The following RASA3 variants were observed in gnomAD, a reference collection of about 807,000 sequenced individuals.
The protein encoded by RASA3 is ras GTPase-activating protein 3.
RASA3 carries 73 observed loss-of-function variants against 110.0 expected under a neutral mutation model. The ratio of observed to expected loss-of-function variants is 0.66; its 90% CI spans 0.55 to 0.81. The LOEUF is 0.81. RASA3 is among the 30% of genes least tolerant of loss of function. The pLI is 0.00. For synonymous variants in RASA3, 500 were observed against 451.4 expected (o/e 1.11, Z -1.37); for missense variants, 976 against 1,113.2 (o/e 0.88, Z 1.75).
At chr13:114,019,161 G>T (rs887817091) in intron 9 of RASA3, among the ~76,000 whole-genome samples, 1 of 152,168 alleles carries the variant, frequency 6.6e-6, no homozygotes, top group Admixed American at 6.5e-5. Context: ...AACGCGGAGG[G>T]GGATGGGGGT....
At chr13:114,012,935 TCATTCCACAAACACTCCC>T (rs1337483913) in intron 15 of RASA3, among the ~76,000 whole-genome samples, 189 bp downstream of exon 15, 2 of 112,184 alleles carry the variant, frequency 1.8e-5, no homozygotes, top group African/African-American at 7.1e-5. Flanking sequence ...CACACACTCC[TCATTCCACAAACACTCCC>T]CATTCCACAC....
chr13:114,007,670 T>A (rs2053547049), intron 17 of RASA3, 64 bp from the exon 18 acceptor site: 1 of 1,358,398 alleles, frequency 7.4e-7, no homozygotes, highest in East Asian at 2.3e-5. Flanking sequence ...CGGCTCTCTG[T>A]ATAACAACAG....
intron 4 of RASA3, among the ~76,000 whole-genome samples, chr13:114,039,410 C>T (rs756399157): frequency 1.2e-4 from 18 of 151,974 alleles, no homozygotes; most frequent in Non-Finnish European, 2.4e-4. Flanking sequence ...GTCCCAAGGG[C>T]GCTGTGCCAC....
At chr13:114,074,999 G>A (rs1594427512) in intron 1 of RASA3, among the ~76,000 whole-genome samples, 1 of 152,138 alleles carries the variant, frequency 6.6e-6, no homozygotes, top group Admixed American at 6.5e-5. Context: ...AAACACACTC[G>A]CGCCTCCCCA....
rs777977745 is a variant in RASA3 at position 114,015,228 on chromosome 13, C to T, written c.1386G>A (p.Ala462=). ...MCDIFFSLRE[A]AAKRFQDDPD... Reference sequence around the variant, plus strand: ...ACTCACCCTGGAAGCGCTTGGCCGCCGCCTCCCGGAGGGAGAAGAAGATGT... The same window carrying T: ...ACTCACCCTGGAAGCGCTTGGCCGCTGCCTCCCGGAGGGAGAAGAAGATGT... The change falls in exon 14 of 24, where the codon GCG becomes GCA. Residue 462 remains alanine, a synonymous_variant. Coordinates refer to ENST00000334062, the MANE Select transcript of RASA3 (RefSeq NM_007368.4). The T allele has an allele frequency of 2.7e-5, 43 of 1,612,952 alleles. No individual in the cohort carries two copies. Among genetic ancestry groups the T allele is most frequent in the African/African-American group, 4.0e-5 (3 of 74,934 alleles).
At position 114,000,946 on chromosome 13, in the gene RASA3, A is replaced by G; in HGVS notation, c.1743-14T>C. 6.3e-7 allele frequency: 1 copy of G among 1,588,478 alleles called. No homozygotes were observed. The highest frequency in any genetic ancestry group is 8.6e-7 in the Non-Finnish European group (1 of 1,156,950). The stretch of plus-strand genomic sequence containing the variant: ...TTGATCATGAACCTGTGTGAAGAGC[A>G]CACAGGGCCGGGGTCCGGGCCTCAG... On this transcript the variant is annotated splice_polypyrimidine_tract_variant and intron_variant, in intron 18 of 23. Coordinates refer to ENST00000334062, the MANE Select transcript of RASA3 (RefSeq NM_007368.4).
intron 1 of RASA3, among the ~76,000 whole-genome samples, chr13:114,117,588 C>T (rs1445295891): frequency 2.3e-5 from 3 of 128,222 alleles, no homozygotes; most frequent in Admixed American, 8.1e-5. Flanking sequence ...CTTCTGTATG[C>T]ACATCTGTGG....
In RASA3 at chr13:114,011,929, A is replaced by G. The variant is rs2053644474; in HGVS notation, c.1513-681T>C. ...GAGCAAGACTCTGTCTCAAAAAAAA[A>G]GAAGTGCTGGGGAATGGGCAATCCC... On this transcript the variant is annotated intron_variant, in intron 15 of 23. Transcript: ENST00000334062. The surrounding 1 kb of genome is among the most constrained non-coding windows in gnomAD (Gnocchi z 4.8). Among the ~76,000 whole-genome samples, 1 of 151,978 alleles carries G rather than the reference A, an allele frequency of 6.6e-6. No homozygotes were observed. The highest frequency in any genetic ancestry group is 6.6e-5 in the Admixed American group (1 of 15,266).
intron 2 of RASA3, among the ~76,000 whole-genome samples, chr13:114,052,831 A>G (rs1430022711): frequency 5.0e-4 from 46 of 91,926 alleles, no homozygotes; most frequent in African/African-American, 1.1e-3. Flanking sequence ...AGAAATCCCC[A>G]CTGCTGACTG....
intron 2 of RASA3, among the ~76,000 whole-genome samples, chr13:114,073,397 C>T (rs186850750): frequency 3.4e-5 from 5 of 145,838 alleles, no homozygotes; most frequent in African/African-American, 5.1e-5. Context: ...GAAAATGGGA[C>T]GGTGACGTAC....
At chr13:113,981,622 A>C in intron 23 of RASA3, 53 bp downstream of exon 23, 1 of 1,577,508 alleles carries the variant, frequency 6.3e-7, no homozygotes, top group Non-Finnish European at 8.7e-7. Context: ...CCCCACTGCA[A>C]TCTCCCGCCC....
intron 1 of RASA3, among the ~76,000 whole-genome samples, chr13:114,117,669 A>G (rs34489781): frequency 0.063 from 1,726 of 27,392 alleles, no homozygotes; most frequent in Non-Finnish European, 0.067. Flanking sequence ...TGTGTGAGGG[A>G]TGCACGTGTG....
intron 18 of RASA3, 136 bp from the exon 19 acceptor site, chr13:114,001,068 C>A (rs926462170): frequency 3.3e-5 from 21 of 644,620 alleles, no homozygotes; most frequent in Middle Eastern, 3.8e-4. Context: ...CATTTTACTC[C>A]GAGTGATGAG....
chr13:114,016,656 T>A (rs2053799145), intron 12 of RASA3, among the ~76,000 whole-genome samples: 1 of 152,264 alleles, frequency 6.6e-6, no homozygotes, highest in South Asian at 2.1e-4. Flanking sequence ...AGGAGTGATG[T>A]GCACCAGCCC....
At chr13:113,991,128 A>G (rs12585018) in intron 22 of RASA3, among the ~76,000 whole-genome samples, 849 of 17,984 alleles carry the variant, frequency 0.047, 49 homozygotes, top group African/African-American at 0.099. Flanking sequence ...CACCCAGGGC[A>G]TGTGGGGCTG....
At chr13:114,125,619 C>A (rs2080436391) in intron 1 of RASA3, among the ~76,000 whole-genome samples, 1 of 152,178 alleles carries the variant, frequency 6.6e-6, no homozygotes, top group Admixed American at 6.5e-5. Context: ...GGTGGGGAGA[C>A]CCCAACTCCT....
In RASA3 at chr13:114,036,526, GTTT is replaced by G. The variant is rs1195359841; in HGVS notation, c.372+4471_372+4473del. On this transcript the variant is annotated intron_variant, in intron 4 of 23. Coordinates refer to ENST00000334062, the MANE Select transcript of RASA3 (RefSeq NM_007368.4). The stretch of plus-strand genomic sequence containing the variant: ...CGGCTCCTGAGACTGGAGTTGTGGG[GTTT>G]TTTTTCTTCTTCTTCTTCTTTTTTT... Among the ~76,000 whole-genome samples, 4 of 152,036 alleles carry G rather than the reference GTTT, an allele frequency of 2.6e-5. No homozygotes were observed. The South Asian group carries it at 6.2e-4, about 24-fold the overall frequency.
At chr13:114,059,875 A>G (rs567111851) in intron 2 of RASA3, among the ~76,000 whole-genome samples, 8 of 152,350 alleles carry the variant, frequency 5.3e-5, no homozygotes, top group African/African-American at 1.7e-4. Context: ...ATAGCAGCCA[A>G]TGAAGCAAAG....
intron 1 of RASA3, among the ~76,000 whole-genome samples, chr13:114,082,332 C>G (rs1434555734): frequency 2.0e-5 from 3 of 152,226 alleles, no homozygotes; most frequent in East Asian, 1.9e-4. Context: ...GATTGGGAAC[C>G]CAGTGATGCC....
Sources: allele counts gnomAD v4.1 joint callset (sites outside exome capture counted in the v4.1 genomes callset), GRCh38; gene constraint gnomAD v4.1.1; non-coding constraint Gnocchi (gnomAD v3.1); transcripts MANE v1.5; gene names NCBI Gene and HGNC (gene_info 2026-07-23, HGNC 2026-07-21).